Variants in MOB3B observed in about 807,000 individuals in gnomAD.
MOB3B encodes the protein MOB kinase activator-like 2B.
In MOB3B, 7 loss-of-function variants were observed where a neutral mutation model predicts 18.7. The observed-to-expected ratio is 0.37, with a 90% CI of 0.21 to 0.70. The LOEUF is 0.70. MOB3B is among the 30% of genes least tolerant of loss of function. MOB3B has a pLI of 0.52. For missense variants in MOB3B, 253 were observed against 281.3 expected, an observed-to-expected ratio of 0.90 and a Z score of 0.72; for synonymous variants, 111 against 99.9, an observed-to-expected ratio of 1.11 and a Z score of -0.66.
At chr9:27,507,378 T>C (rs185193238) in intron 1 of MOB3B, among the ~76,000 whole-genome samples, 375 of 152,330 alleles carry the variant, frequency 2.5e-3, no homozygotes, top group Middle Eastern at 0.014. Context: ...ATTGTCATAT[T>C]GTGCACAGTA....
At chr9:27,331,606 C>T (rs1350088472) in intron 3 of MOB3B, among the ~76,000 whole-genome samples, 2 of 152,240 alleles carry the variant, frequency 1.3e-5, no homozygotes, top group Non-Finnish European at 2.9e-5. Flanking sequence ...GCCCCTGGCA[C>T]TGTGCCAGGG....
At chr9:27,427,622 T>C (rs1453873190) in intron 2 of MOB3B, among the ~76,000 whole-genome samples, 1 of 152,212 alleles carries the variant, frequency 6.6e-6, no homozygotes, top group East Asian at 1.9e-4. Context: ...GTGGCTCATC[T>C]TCCCCTAGTT....
intron 2 of MOB3B, among the ~76,000 whole-genome samples, chr9:27,416,733 G>A (rs1198048746): frequency 6.6e-6 from 1 of 151,450 alleles, no homozygotes; most frequent in African/African-American, 2.4e-5. Context: ...GCAGGATCTT[G>A]CTATGTTGCC....
chr9:27,482,631 C>T (rs1819678410), intron 1 of MOB3B, among the ~76,000 whole-genome samples: 1 of 151,632 alleles, frequency 6.6e-6, no homozygotes, highest in Non-Finnish European at 1.5e-5. Flanking sequence ...TCTGCCTCTA[C>T]ACCATTGCCC....
intron 2 of MOB3B, among the ~76,000 whole-genome samples, chr9:27,393,700 A>G (rs1821761219): frequency 6.6e-6 from 1 of 152,154 alleles, no homozygotes; most frequent in Non-Finnish European, 1.5e-5. Context: ...ACTTGGCCAC[A>G]TTTTATTCCT....
At chr9:27,523,102 A>T (rs896854285) in intron 1 of MOB3B, among the ~76,000 whole-genome samples, 1 of 152,180 alleles carries the variant, frequency 6.6e-6, no homozygotes, top group African/African-American at 2.4e-5. Flanking sequence ...CAATGACTTA[A>T]TTGCAAATTA....
chr9:27,438,657 G>T (rs1383949109), intron 2 of MOB3B, among the ~76,000 whole-genome samples: 5 of 152,186 alleles, frequency 3.3e-5, no homozygotes, highest in African/African-American at 4.8e-5. Flanking sequence ...AAGGGCAGCT[G>T]CTGGATAGCA....
intron 2 of MOB3B, among the ~76,000 whole-genome samples, chr9:27,398,868 T>C (rs1267498657): frequency 6.6e-6 from 1 of 152,146 alleles, no homozygotes; most frequent in East Asian, 1.9e-4. Flanking sequence ...ATACAATTTG[T>C]CACCTTCACC....
chr9:27,348,488 A>G (rs1057431099), intron 3 of MOB3B, among the ~76,000 whole-genome samples: 2 of 151,854 alleles, frequency 1.3e-5, no homozygotes, highest in African/African-American at 4.8e-5. Context: ...CCCCATCTCT[A>G]CTAAAAATAA....
chr9:27,418,886 G>A (rs554275799), intron 2 of MOB3B, among the ~76,000 whole-genome samples: 6 of 152,020 alleles, frequency 3.9e-5, no homozygotes, highest in African/African-American at 1.2e-4. Flanking sequence ...CAATGTGATC[G>A]TTTACCTTGA....
At chr9:27,361,202 C>G (rs1821270068) in intron 2 of MOB3B, among the ~76,000 whole-genome samples, 1 of 152,142 alleles carries the variant, frequency 6.6e-6, no homozygotes, top group African/African-American at 2.4e-5. Context: ...ATAAATAGCA[C>G]TGAAGCTCTT....
chr9:27,447,216 G>T (rs1822706153), intron 2 of MOB3B, among the ~76,000 whole-genome samples: 1 of 152,110 alleles, frequency 6.6e-6, no homozygotes. Context: ...GCAAGGCAGG[G>T]CACTGGTGGG....
chr9:27,418,117 T>TACA (rs1453292353), intron 2 of MOB3B, among the ~76,000 whole-genome samples: 2 of 67,560 alleles, frequency 3.0e-5, no homozygotes, highest in African/African-American at 9.8e-5. Flanking sequence ...AAAAAAGTAA[T>TACA]ACAACCCTCT....
intron 2 of MOB3B, among the ~76,000 whole-genome samples, chr9:27,381,935 G>T (rs568857865): frequency 5.3e-4 from 81 of 152,296 alleles, no homozygotes; most frequent in African/African-American, 1.8e-3. Flanking sequence ...TGTGAGCTAA[G>T]TCTGGAAAAA....
At chr9:27,428,795 C>T (rs1039497948) in intron 2 of MOB3B, among the ~76,000 whole-genome samples, 8 of 152,126 alleles carry the variant, frequency 5.3e-5, no homozygotes, top group Admixed American at 3.3e-4. Context: ...ACCATGTGGG[C>T]TGGAACAATG....
At chr9:27,514,059 A>T (rs762547323) in intron 1 of MOB3B, among the ~76,000 whole-genome samples, 23 of 152,180 alleles carry the variant, frequency 1.5e-4, no homozygotes, top group Non-Finnish European at 2.9e-4. Context: ...GGATGTATAT[A>T]GGGCAATCCC....
At chr9:27,350,965 C>T (rs986312209) in intron 3 of MOB3B, among the ~76,000 whole-genome samples, 32 of 150,902 alleles carry the variant, frequency 2.1e-4, no homozygotes, top group Admixed American at 1.1e-3. Flanking sequence ...TGTGATGGCA[C>T]GATCTCGGCT....
At chr9:27,346,267 G>A (rs13298260) in intron 3 of MOB3B, among the ~76,000 whole-genome samples, 17,424 of 152,128 alleles carry the variant, frequency 0.11, 2,605 homozygotes, top group African/African-American at 0.35. Context: ...ACTGTGAGCA[G>A]TGCATTTCTG....
chr9:27,407,619 T>A (rs760847685), intron 2 of MOB3B, among the ~76,000 whole-genome samples: 19 of 152,226 alleles, frequency 1.2e-4, no homozygotes, highest in Non-Finnish European at 2.2e-4. Flanking sequence ...GGAAAGGAAG[T>A]CCTGGGCTTC....
Sources: allele counts gnomAD v4.1 joint callset (sites outside exome capture counted in the v4.1 genomes callset), GRCh38; gene constraint gnomAD v4.1.1; transcripts MANE v1.5; gene names NCBI Gene and HGNC (gene_info 2026-07-23, HGNC 2026-07-21).